Variants in DNAH9 observed in about 807,000 individuals in gnomAD.
The protein encoded by DNAH9 is DNAH9 variant protein.
A neutral mutation model predicts 471.6 loss-of-function variants in DNAH9; 345 were observed. That is an observed-to-expected ratio of 0.73 (90% CI 0.67 to 0.80). The LOEUF (loss-of-function observed/expected upper bound fraction) is 0.80, where lower values mean the gene tolerates loss of function less well. DNAH9 is among the 30% of genes least tolerant of loss of function. DNAH9 has a pLI of 0.00. For missense variants in DNAH9, 5,407 were observed against 5,609.2 expected (o/e 0.96, Z 1.15); for synonymous variants, 2,093 against 2,123.6 (o/e 0.99, Z 0.40).
At chr17:11,816,745 A>G (rs1970113954) in intron 45 of DNAH9, among the ~76,000 whole-genome samples, 1 of 152,196 alleles carries the variant, frequency 6.6e-6, no homozygotes, top group Non-Finnish European at 1.5e-5. Context: ...ATACTAACAT[A>G]CAGAAGATGG....
chr17:11,865,533 G>A (rs970571929), intron 50 of DNAH9, among the ~76,000 whole-genome samples: 6 of 149,384 alleles, frequency 4.0e-5, no homozygotes, highest in South Asian at 2.2e-4. Context: ...TCTTTGTGGC[G>A]TTCTCTGTAT....
Position 11,834,709 on chromosome 17 carries a change from A to G in DNAH9, c.9318A>G (p.Lys3106=). 6.2e-7 allele frequency: 1 copy of G among 1,614,098 alleles called. No homozygotes were observed. The highest frequency in any genetic ancestry group is 8.5e-7 in the Non-Finnish European group (1 of 1,179,984). Residue 3106 remains lysine (K), a synonymous_variant, in exon 49 of 69, where the codon AAA becomes AAG. Transcript: ENST00000262442. ...ELKQKNEDAD[K]LIQVVGVETD... is the part of the protein sequence containing the mutation. ...AGCAGAAAAATGAAGATGCAGACAA[A>G]CTGATTCAGGTCGTGGGTGTGGAGA...
chr17:11,620,692 C>G lies in DNAH9; in HGVS notation c.1350+911C>G, dbSNP rs139881631. On this transcript the variant is annotated intron_variant, in intron 6 of 68. Coordinates refer to ENST00000262442, the MANE Select transcript of DNAH9 (RefSeq NM_001372.4). ...TTGCAGATTGCCCATAGCCTTTGAA[C>G]TGGGTTTCAAATAAACTCTGCCTAG... Among the ~76,000 whole-genome samples the G allele has an allele frequency of 1.3e-3, 201 of 152,172 alleles. 1 individual carries two copies. Among genetic ancestry groups the G allele is most frequent in the African/African-American group, 4.5e-3 (185 of 41,516 alleles).
intron 61 of DNAH9, among the ~76,000 whole-genome samples, chr17:11,919,585 A>G (rs1974070605): frequency 6.6e-6 from 1 of 152,016 alleles, no homozygotes; most frequent in Non-Finnish European, 1.5e-5. Context: ...TTCTGGACAC[A>G]TTGAAAGAGT....
At chr17:11,658,792 T>A (rs183522642) in intron 14 of DNAH9, among the ~76,000 whole-genome samples, 90 of 152,290 alleles carry the variant, frequency 5.9e-4, no homozygotes, top group Middle Eastern at 6.8e-3. Flanking sequence ...TAATGGGCAC[T>A]TTGTTCTTTT....
chr17:11,694,570 T>C, intron 22 of DNAH9, 123 bp downstream of exon 22: 3 of 985,998 alleles, frequency 3.0e-6, no homozygotes, highest in Admixed American at 2.5e-5. Context: ...GACCTGTCTG[T>C]GTTGCCCCCA....
Position 11,768,572 on chromosome 17 carries a change from G to A in DNAH9, c.7290G>A (p.Glu2430=). ...YYIDPETKKF[E]PWSKLVPQFE... Reference sequence around the variant, plus strand: ...TCGACCCAGAGACCAAGAAATTCGAGCCTTGGTCCAAGCTCGTCCCCCAGT... The same window carrying A: ...TCGACCCAGAGACCAAGAAATTCGAACCTTGGTCCAAGCTCGTCCCCCAGT... The change falls in exon 37 of 69, where the codon GAG becomes GAA. Residue 2430 remains glutamate (E), a synonymous_variant. Transcript: ENST00000262442. The A allele has an allele frequency of 6.2e-7, 1 of 1,614,124 alleles. No individual in the cohort carries two copies.
At chr17:11,958,956 T>C (rs1285730221) in intron 67 of DNAH9, among the ~76,000 whole-genome samples, 2 of 152,286 alleles carry the variant, frequency 1.3e-5, no homozygotes, top group African/African-American at 2.4e-5. Flanking sequence ...ATCCTAGGAA[T>C]ACAAGATTAG....
chr17:11,817,187 C>T (rs1250418431), intron 45 of DNAH9, among the ~76,000 whole-genome samples: 1 of 152,220 alleles, frequency 6.6e-6, no homozygotes, highest in African/African-American at 2.4e-5. Flanking sequence ...CTGCTTCCAG[C>T]ATGACTACCT....
At chr17:11,968,727 G>T (rs1242552968) in intron 68 of DNAH9, among the ~76,000 whole-genome samples, 1 of 152,146 alleles carries the variant, frequency 6.6e-6, no homozygotes, top group East Asian at 1.9e-4. Flanking sequence ...GCTCTGTACA[G>T]CTGTATTGAA....
intron 1 of DNAH9, among the ~76,000 whole-genome samples, chr17:11,599,479 A>T (rs1238317851): frequency 6.6e-6 from 1 of 152,162 alleles, no homozygotes; most frequent in Non-Finnish European, 1.5e-5. Context: ...TCATTCATTC[A>T]TTACCAACCA....
At chr17:11,617,689 A>T in intron 5 of DNAH9, 67 bp downstream of exon 5, 1 of 1,142,360 alleles carries the variant, frequency 8.8e-7, no homozygotes, top group Non-Finnish European at 1.3e-6. Context: ...CACAGGAGAG[A>T]AGAGACAAGT....
intron 38 of DNAH9, among the ~76,000 whole-genome samples, chr17:11,778,524 G>A (rs983548009): frequency 3.3e-5 from 5 of 151,880 alleles, no homozygotes; most frequent in African/African-American, 1.2e-4. Context: ...GGGGATGGGC[G>A]TGATCCAATT....
chr17:11,926,073 G>C (rs974227826), intron 62 of DNAH9, among the ~76,000 whole-genome samples: 1 of 135,256 alleles, frequency 7.4e-6, no homozygotes, highest in Non-Finnish European at 1.5e-5. Flanking sequence ...GCTGGGGGGG[G>C]AGGAATACAC....
At chr17:11,715,146 A>C (rs1416271664) in intron 26 of DNAH9, among the ~76,000 whole-genome samples, 1 of 152,264 alleles carries the variant, frequency 6.6e-6, no homozygotes, top group Non-Finnish European at 1.5e-5. Context: ...CAGGCTATTC[A>C]TAGCTGAAAT....
At chr17:11,731,628 C>T (rs1456897761) in intron 28 of DNAH9, among the ~76,000 whole-genome samples, 3 of 148,186 alleles carry the variant, frequency 2.0e-5, no homozygotes, top group South Asian at 2.1e-4. Context: ...CAATTCCCAC[C>T]TATGAGTGAG....
rs549946831 is a variant in DNAH9 at position 11,807,745 on chromosome 17, C to T, written c.8434C>T (p.Arg2812Cys). The T allele has an allele frequency of 2.0e-5, 32 of 1,607,172 alleles. No homozygotes were observed. Among genetic ancestry groups the T allele is most frequent in the Admixed American group, 5.0e-5 (3 of 59,728 alleles). The change falls in exon 44 of 69, where the codon CGC becomes TGC. Residue 2812 changes from arginine (R) to cysteine (C), a missense_variant. Coordinates refer to ENST00000262442, the MANE Select transcript of DNAH9 (RefSeq NM_001372.4). ...DAMRHVCHIN[R>C]ILESPRGNAL... is the part of the protein sequence containing the mutation. ...CCTTCTCTTTAGCTGCCATATCAAT[C>T]GCATCTTGGAGTCCCCGCGGGGAAA...
intron 38 of DNAH9, among the ~76,000 whole-genome samples, chr17:11,776,164 C>T (rs1388462873): frequency 1.3e-5 from 2 of 152,024 alleles, no homozygotes; most frequent in African/African-American, 2.4e-5. Context: ...GGCTTTTGAC[C>T]GCAAGTAGTG....
intron 59 of DNAH9, among the ~76,000 whole-genome samples, chr17:11,901,015 G>A (rs914731909): frequency 2.0e-5 from 3 of 152,224 alleles, no homozygotes; most frequent in African/African-American, 7.2e-5. Context: ...GTATGAGAAA[G>A]TTTATTACTC....
Sources: allele counts gnomAD v4.1 joint callset (sites outside exome capture counted in the v4.1 genomes callset), GRCh38; gene constraint gnomAD v4.1.1; transcripts MANE v1.5; gene names NCBI Gene and HGNC (gene_info 2026-07-23, HGNC 2026-07-21).